PDSS1: variants seen among roughly 807,000 people sequenced by gnomAD.
PDSS1 encodes all trans-polyprenyl-diphosphate synthase PDSS1.
A neutral mutation model predicts 57.5 loss-of-function variants in PDSS1; 43 were observed. That is an observed-to-expected ratio of 0.75 (90% CI 0.59 to 0.96). The LOEUF (loss-of-function observed/expected upper bound fraction) is 0.96, where lower values mean the gene tolerates loss of function less well. Among genes scored for constraint, PDSS1 ranks in the 50% least tolerant of loss-of-function variants. PDSS1 has a pLI of 0.00. For synonymous variants in PDSS1, 175 were observed against 191.3 expected, an observed-to-expected ratio of 0.91 and a Z score of 0.70; for missense variants, 438 against 527.8, an observed-to-expected ratio of 0.83 and a Z score of 1.67.
intron 8 of PDSS1, among the ~76,000 whole-genome samples, chr10:26,728,148 G>A (rs911070015): frequency 6.6e-6 from 1 of 152,146 alleles, no homozygotes; most frequent in Non-Finnish European, 1.5e-5. Flanking sequence ...CTGAGGTCAA[G>A]AGTTCAAGAC....
intron 3 of PDSS1, among the ~76,000 whole-genome samples, chr10:26,705,056 TC>T (rs1835165035): frequency 6.6e-6 from 1 of 152,222 alleles, no homozygotes; most frequent in Non-Finnish European, 1.5e-5. Context: ...GTTTAGTTTT[TC>T]TTTGATTTTG....
intron 10 of PDSS1, chr10:26,740,778 G>C (rs1836569668): frequency 4.5e-6 from 2 of 440,062 alleles, no homozygotes; most frequent in Non-Finnish European, 4.6e-6. Context: ...AGAAGCCTAA[G>C]ACCCCAGGGG....
intron 8 of PDSS1, among the ~76,000 whole-genome samples, chr10:26,728,872 G>A (rs1243285508): frequency 2.2e-5 from 3 of 135,036 alleles, no homozygotes; most frequent in Non-Finnish European, 4.6e-5. Flanking sequence ...TCCACCTCCC[G>A]GGCTCAGGTG....
intron 4 of PDSS1, among the ~76,000 whole-genome samples, chr10:26,707,254 G>A (rs1835263735): frequency 1.3e-5 from 2 of 152,130 alleles, no homozygotes; most frequent in South Asian, 4.2e-4. Context: ...CTGCCATTTT[G>A]CCTCTTAGTG....
chr10:26,746,493 T>C lies in PDSS1; in HGVS notation c.*20T>C. The C allele has an allele frequency of 6.2e-7, 1 of 1,613,754 alleles. No individual in the cohort carries two copies. On this transcript the variant is annotated 3_prime_UTR_variant, in exon 12 of 12. Coordinates refer to ENST00000376215, the MANE Select transcript of PDSS1 (RefSeq NM_014317.5). ...AAATGACAACTCTTTCTGTTCTTTC[T>C]GGCAGCTATCTTACCAGACTGTGCC... is the stretch of plus-strand genomic sequence containing the variant.
At chr10:26,737,792 A>G (rs913419056) in intron 10 of PDSS1, among the ~76,000 whole-genome samples, 2 of 151,296 alleles carry the variant, frequency 1.3e-5, no homozygotes, top group African/African-American at 4.9e-5. Context: ...AAAAAAGATT[A>G]CTGTACCCGA....
At chr10:26,697,905 G>C in intron 1 of PDSS1, 65 bp downstream of exon 1, 1 of 1,217,532 alleles carries the variant, frequency 8.2e-7, no homozygotes. Context: ...AGCAGTGGGC[G>C]GAATGAATGG....
intron 2 of PDSS1, 52 bp from the exon 3 acceptor site, chr10:26,704,625 T>C: frequency 1.2e-6 from 1 of 822,278 alleles, no homozygotes; most frequent in South Asian, 1.3e-5. Flanking sequence ...CATCCAATGT[T>C]ACAGTTTTTC....
intron 8 of PDSS1, among the ~76,000 whole-genome samples, chr10:26,725,517 G>T (rs748358002): frequency 2.7e-5 from 4 of 149,104 alleles, no homozygotes; most frequent in Non-Finnish European, 3.0e-5. Flanking sequence ...AATTATGTGG[G>T]TTTTTTTTTT....
At chr10:26,735,160 A>T in intron 8 of PDSS1, 80 bp from the exon 9 acceptor site, 1 of 938,472 alleles carries the variant, frequency 1.1e-6, no homozygotes, top group Non-Finnish European at 1.8e-6. Context: ...CTCCTATTTT[A>T]AGGAATTCCT....
At chr10:26,739,721 G>A (rs1455274185) in intron 10 of PDSS1, among the ~76,000 whole-genome samples, 2 of 152,186 alleles carry the variant, frequency 1.3e-5, no homozygotes, top group African/African-American at 4.8e-5. Context: ...ACTAAAACAG[G>A]CTGTGTGTAG....
intron 11 of PDSS1, 141 bp from the exon 12 acceptor site, chr10:26,746,192 T>A (rs1367563598): frequency 1.1e-6 from 1 of 910,092 alleles, no homozygotes; most frequent in African/African-American, 1.6e-5. Flanking sequence ...GAAAAGAACA[T>A]TAGAGATGTA....
intron 1 of PDSS1, among the ~76,000 whole-genome samples, chr10:26,701,026 C>G (rs1385800537): frequency 6.6e-6 from 1 of 152,130 alleles, no homozygotes; most frequent in African/African-American, 2.4e-5. Context: ...ACGATGAAGT[C>G]CAGGCTGAGG....
intron 8 of PDSS1, among the ~76,000 whole-genome samples, chr10:26,728,926 C>A (rs1384919102): frequency 6.6e-6 from 1 of 151,836 alleles, no homozygotes; most frequent in Non-Finnish European, 1.5e-5. Flanking sequence ...TTACATGCGG[C>A]TGCCACCATA....
intron 8 of PDSS1, among the ~76,000 whole-genome samples, chr10:26,734,481 C>T (rs1836320796): frequency 6.6e-6 from 1 of 152,178 alleles, no homozygotes; most frequent in South Asian, 2.1e-4. Flanking sequence ...CTGGGAAATG[C>T]ACTTCAGTGG....
intron 10 of PDSS1, among the ~76,000 whole-genome samples, chr10:26,740,977 C>T (rs2132315302): frequency 6.6e-6 from 1 of 152,234 alleles, no homozygotes; most frequent in South Asian, 2.1e-4. Context: ...TCTCTCTCTT[C>T]TTGCTATCAT....
chr10:26,725,240 A>G (rs1052383148), intron 8 of PDSS1, among the ~76,000 whole-genome samples: 3 of 152,244 alleles, frequency 2.0e-5, no homozygotes, highest in African/African-American at 4.8e-5. Context: ...AATTGCTGTC[A>G]TGATAGACTC....
At chr10:26,742,284 C>G (rs905793087) in intron 10 of PDSS1, among the ~76,000 whole-genome samples, 1 of 152,242 alleles carries the variant, frequency 6.6e-6, no homozygotes, top group Non-Finnish European at 1.5e-5. Flanking sequence ...CTTCTCCTCC[C>G]ATACACCACC....
chr10:26,714,717 T>A (rs193125438), intron 5 of PDSS1: 1 of 152,328 alleles, frequency 6.6e-6, no homozygotes, highest in East Asian at 1.9e-4. Context: ...GATAACAGAC[T>A]ACCCAAATTG....
Sources: allele counts gnomAD v4.1 joint callset (sites outside exome capture counted in the v4.1 genomes callset), GRCh38; gene constraint gnomAD v4.1.1; transcripts MANE v1.5; gene names NCBI Gene and HGNC (gene_info 2026-07-23, HGNC 2026-07-21).